The following SORCS3 variants were observed in gnomAD, a reference collection of about 807,000 sequenced individuals.
SORCS3 encodes the protein sortilin related VPS10 domain containing receptor 3, also known as VPS10 domain-containing receptor SorCS3.
Under a neutral mutation model 146.3 loss-of-function variants are expected in SORCS3, and 57 were observed. The observed-to-expected ratio is 0.39, with a 90% CI of 0.31 to 0.49. The LOEUF (loss-of-function observed/expected upper bound fraction) is 0.49, where lower values mean the gene tolerates loss of function less well. SORCS3 is among the 20% of genes least tolerant of loss of function. SORCS3 has a pLI of 0.92. For missense variants in SORCS3, 1,341 were observed against 1,575.5 expected, an observed-to-expected ratio of 0.85 and a Z score of 2.52; for synonymous variants, 653 against 618.5, an observed-to-expected ratio of 1.06 and a Z score of -0.83.
intron 1 of SORCS3, among the ~76,000 whole-genome samples, chr10:104,772,219 G>A (rs2017257686): frequency 6.6e-6 from 1 of 151,806 alleles, no homozygotes; most frequent in African/African-American, 2.4e-5. Flanking sequence ...GACTGGTGGG[G>A]TGGTGGCAGG....
At chr10:105,012,127 A>G (rs1205390757) in intron 4 of SORCS3, among the ~76,000 whole-genome samples, 1 of 152,168 alleles carries the variant, frequency 6.6e-6, no homozygotes, top group East Asian at 1.9e-4. Flanking sequence ...CATCTAGAGC[A>G]TGATCTACTG....
intron 1 of SORCS3, among the ~76,000 whole-genome samples, chr10:104,715,638 T>C (rs371113790): frequency 1.3e-4 from 20 of 152,344 alleles, no homozygotes; most frequent in African/African-American, 4.8e-4. Context: ...CTAGATCTTC[T>C]GTTTTTGTTT....
chr10:105,046,097 G>A (rs1476132180), intron 5 of SORCS3, among the ~76,000 whole-genome samples: 1 of 152,124 alleles, frequency 6.6e-6, no homozygotes, highest in Admixed American at 6.6e-5. Flanking sequence ...CTTTGGGAGA[G>A]AGGGTGTAGA....
intron 1 of SORCS3, among the ~76,000 whole-genome samples, chr10:104,785,998 T>A (rs1454998387): frequency 6.6e-6 from 1 of 152,208 alleles, no homozygotes; most frequent in Non-Finnish European, 1.5e-5. Context: ...AGGCTGTAAT[T>A]GCTTTTGTGA....
At chr10:105,060,300 T>C (rs1454997101) in intron 5 of SORCS3, among the ~76,000 whole-genome samples, 2 of 152,094 alleles carry the variant, frequency 1.3e-5, no homozygotes, top group Admixed American at 1.3e-4. Context: ...AAATTGTTAG[T>C]AGGTCAGTCT....
chr10:104,671,384 G>A lies in SORCS3; in HGVS notation c.627+29430G>A, dbSNP rs376840282. Among the ~76,000 whole-genome samples the A allele has an allele frequency of 3.6e-3, 410 of 113,174 alleles. 2 individuals are homozygous for A. Among genetic ancestry groups the A allele is most frequent in the African/African-American group, 0.013 (397 of 29,802 alleles). 74.2% of individuals were successfully genotyped at this position (113,174 alleles called of 152,430 possible). A position where few individuals can be genotyped will look rare whatever the true frequency, so the allele number is the denominator to read the frequency against. ...GAGTCTTGTTCTGTTGCCCAGGCTG[G>A]AGTACAGTGGCACAATCTCAGCTCA... is the stretch of plus-strand genomic sequence containing the variant. On this transcript the variant is annotated intron_variant, in intron 1 of 26. Coordinates refer to ENST00000369701, the MANE Select transcript of SORCS3 (RefSeq NM_014978.3).
chr10:105,112,519 C>G (rs2055865268), intron 7 of SORCS3, among the ~76,000 whole-genome samples: 1 of 152,140 alleles, frequency 6.6e-6, no homozygotes, highest in Non-Finnish European at 1.5e-5. Flanking sequence ...TTTTCCTACT[C>G]TATTGGAGAA....
intron 3 of SORCS3, among the ~76,000 whole-genome samples, chr10:104,948,739 T>C (rs2133624342): frequency 6.6e-6 from 1 of 152,298 alleles, no homozygotes; most frequent in East Asian, 1.9e-4. Context: ...TTGATGTGCC[T>C]TTTCTCAGGG....
chr10:104,752,472 C>G (rs567759611), intron 1 of SORCS3, among the ~76,000 whole-genome samples: 5 of 152,258 alleles, frequency 3.3e-5, no homozygotes, highest in African/African-American at 1.2e-4. Flanking sequence ...GAGGGTAAGC[C>G]TTGCTTGTAA....
chr10:105,038,924 A>C (rs1442258806), intron 4 of SORCS3, among the ~76,000 whole-genome samples: 2 of 152,180 alleles, frequency 1.3e-5, no homozygotes, highest in Non-Finnish European at 2.9e-5. Flanking sequence ...TAATAATTTA[A>C]AGAAATCTAG....
At chr10:104,647,796 A>T (rs796368184) in intron 1 of SORCS3, among the ~76,000 whole-genome samples, 1 of 152,236 alleles carries the variant, frequency 6.6e-6, no homozygotes, top group South Asian at 2.1e-4. Context: ...GAATGTTAAC[A>T]TAAGATTCAG....
At chr10:105,192,303 A>T (rs551385937) in intron 14 of SORCS3, among the ~76,000 whole-genome samples, 6 of 152,066 alleles carry the variant, frequency 3.9e-5, no homozygotes, top group African/African-American at 1.4e-4. Flanking sequence ...CCTAAGGCTT[A>T]CAGAATGAGT....
chr10:105,125,746 G>A (rs2133768559), intron 7 of SORCS3, among the ~76,000 whole-genome samples: 1 of 148,280 alleles, frequency 6.7e-6, no homozygotes, highest in East Asian at 2.0e-4. Context: ...ACTGCTTGAA[G>A]AAGACCTTCG....
chr10:105,257,717 G>A (rs1298969308), intron 25 of SORCS3, among the ~76,000 whole-genome samples: 1 of 152,144 alleles, frequency 6.6e-6, no homozygotes, highest in Non-Finnish European at 1.5e-5. Flanking sequence ...AATGAGAATA[G>A]CAATAATATT....
chr10:105,222,004 A>T (rs1479737989), intron 19 of SORCS3, among the ~76,000 whole-genome samples: 1 of 151,958 alleles, frequency 6.6e-6, no homozygotes, highest in Non-Finnish European at 1.5e-5. Flanking sequence ...CAGTGTTAAA[A>T]AACTATTTAC....
At chr10:105,034,723 C>T (rs1287831748) in intron 4 of SORCS3, among the ~76,000 whole-genome samples, 1 of 152,126 alleles carries the variant, frequency 6.6e-6, no homozygotes, top group East Asian at 1.9e-4. Flanking sequence ...GAAGGATAAG[C>T]CTGAAGAATC....
chr10:104,762,668 C>A (rs1186169862), intron 1 of SORCS3, among the ~76,000 whole-genome samples: 1 of 152,132 alleles, frequency 6.6e-6, no homozygotes, highest in African/African-American at 2.4e-5. Context: ...CCATGCTATT[C>A]TCATGATAGT....
At chr10:104,870,741 G>C (rs769733280) in intron 2 of SORCS3, among the ~76,000 whole-genome samples, 1 of 152,158 alleles carries the variant, frequency 6.6e-6, no homozygotes, top group African/African-American at 2.4e-5. Context: ...GCATGACCTC[G>C]CAGGGCTGTG....
chr10:105,167,248 G>A lies in SORCS3; in HGVS notation c.1810-10G>A. 7 of 1,603,630 alleles carry A rather than the reference G, an allele frequency of 4.4e-6. No homozygotes were observed. The highest frequency in any genetic ancestry group is 5.1e-6 in the Non-Finnish European group (6 of 1,170,992). On this transcript the variant is annotated splice_polypyrimidine_tract_variant and intron_variant, in intron 12 of 26. Transcript: ENST00000369701. ...TGCTATGATTGTTGTTGTTGTTGTT[G>A]TTGTTCCAGATCTTTGATGAAGAGT...
Sources: gnomAD v4.1 joint callset for allele counts (sites outside exome capture counted in the v4.1 genomes callset) on GRCh38, gnomAD v4.1.1 for gene constraint, MANE v1.5 for transcripts, NCBI Gene and HGNC (gene_info 2026-07-23, HGNC 2026-07-21) for gene names.